GCKR: variants seen among roughly 807,000 people sequenced by gnomAD.
GCKR encodes the protein glucokinase regulatory protein.
Under a neutral mutation model 82.9 loss-of-function variants are expected in GCKR, and 73 were observed. The observed-to-expected ratio is 0.88, with a 90% CI of 0.73 to 1.07. The LOEUF is 1.07. Among genes scored for constraint, GCKR ranks in the 50% least tolerant of loss-of-function variants. The pLI is 0.00. For missense variants in GCKR, 784 were observed against 782.1 expected (o/e 1.00, Z -0.03); for synonymous variants, 294 against 291.8 (o/e 1.01, Z -0.08).
Position 27,504,267 on chromosome 2 carries a change from C to T in GCKR, c.750+648C>T, listed in dbSNP as rs112384611. 1.6e-3 allele frequency among the ~76,000 whole-genome samples: 245 copies of T among 152,212 alleles called. 4 individuals are homozygous for T. Among genetic ancestry groups the T allele is most frequent in the African/African-American group, 5.2e-3 (216 of 41,530 alleles). ...AATTCCATATGACATAAGAATTCCA[C>T]GGCTTTCACCTCCTAAATGCTCATC... On this transcript the variant is annotated intron_variant, in intron 9 of 18. Coordinates refer to ENST00000264717, the MANE Select transcript of GCKR (RefSeq NM_001486.4).
intron 16 of GCKR, chr2:27,509,592 T>C: frequency 2.4e-6 from 1 of 423,334 alleles, no homozygotes; most frequent in Non-Finnish European, 4.9e-6. Context: ...TCCACCCGCC[T>C]TAGCCTCCCA....
Position 27,497,601 on chromosome 2 carries a change from G to A in GCKR, c.256G>A (p.Val86Met), listed in dbSNP as rs1400084497. ...ATCCATTCTGACCACCATGGTACAG[G>A]TGGCTGGGAAAGTTCAGGAAGTGCT... The part of the protein sequence containing the change: ...SESILTTMVQ[V>M]AGKVQEVLKE... The change falls in exon 3 of 19, where the codon GTG becomes ATG. Residue 86 changes from valine (V) to methionine (M), a missense_variant. By Grantham distance (21) the Val-to-Met change is conservative. Transcript: ENST00000264717. The A allele has an allele frequency of 6.2e-7, 1 of 1,613,180 alleles. No homozygotes were observed. Among genetic ancestry groups the A allele is most frequent in the Non-Finnish European group, 8.5e-7 (1 of 1,179,134 alleles).
chr2:27,506,274 C>A (rs1291124265), intron 10 of GCKR, among the ~76,000 whole-genome samples: 2 of 152,194 alleles, frequency 1.3e-5, no homozygotes, highest in Non-Finnish European at 2.9e-5. Flanking sequence ...GCACTCGTCC[C>A]TCTTTCTGCT....
At chr2:27,505,118 T>G (rs1419417106) in intron 9 of GCKR, among the ~76,000 whole-genome samples, 6 of 37,312 alleles carry the variant, frequency 1.6e-4, no homozygotes, top group African/African-American at 7.3e-4. Context: ...AGAGTGAGAC[T>G]CCATCTCAAA....
intron 10 of GCKR, 146 bp downstream of exon 10, chr2:27,505,982 A>G (rs1669730305): frequency 1.4e-6 from 1 of 733,046 alleles, no homozygotes; most frequent in East Asian, 2.5e-5. Flanking sequence ...GGAGCTGGGT[A>G]GTACATGCTG....
rs757262467 is a variant in GCKR at position 27,507,943 on chromosome 2, G to C, written c.1241-34G>C. 9 of 1,461,828 alleles carry C rather than the reference G, an allele frequency of 6.2e-6. No homozygotes were observed. In the South Asian group the frequency reaches 1.0e-4, roughly 17 times the overall value. The allele number at this position is 1,461,828 out of a possible 1,614,324, so 90.6% of individuals were successfully genotyped here. A position where few individuals can be genotyped will look rare whatever the true frequency, so the allele number is the denominator to read the frequency against. On this transcript the variant is annotated intron_variant, in intron 14 of 18. Transcript: ENST00000264717. The stretch of plus-strand genomic sequence containing the variant: ...AGCAGGAGGAACAGCTGCACAGCCA[G>C]CCTTTCGACTCTGATGCCCTCCCCT...
intron 16 of GCKR, among the ~76,000 whole-genome samples, chr2:27,510,002 C>T (rs542823085): frequency 6.6e-6 from 1 of 151,170 alleles, no homozygotes; most frequent in Non-Finnish European, 1.5e-5. Flanking sequence ...TCTGATAGAT[C>T]ACTACTATCA....
intron 13 of GCKR, 124 bp from the exon 14 acceptor site, chr2:27,507,557 T>G (rs1454140782): frequency 1.1e-5 from 8 of 727,970 alleles, no homozygotes; most frequent in Middle Eastern, 3.7e-4. Flanking sequence ...CTGTACCTTT[T>G]GAACTTCAGC....
chr2:27,502,344 A>G (rs992704971), intron 8 of GCKR, among the ~76,000 whole-genome samples: 1 of 152,246 alleles, frequency 6.6e-6, no homozygotes, highest in Non-Finnish European at 1.5e-5. Context: ...CAAACAACGT[A>G]GGCGTGGAGA....
At chr2:27,497,729 TCTCCCTTTTGGAGATC>T (rs1669452456) in intron 3 of GCKR, 99 bp downstream of exon 3, 6 of 787,418 alleles carry the variant, frequency 7.6e-6, no homozygotes, top group Admixed American at 3.8e-5. Flanking sequence ...CATTCTCCTT[TCTCCCTTTTGGAGATC>T]CTCCCTTTTG....
intron 7 of GCKR, among the ~76,000 whole-genome samples, chr2:27,500,215 C>T (rs967247528): frequency 5.3e-5 from 8 of 152,188 alleles, no homozygotes; most frequent in Non-Finnish European, 8.8e-5. Context: ...CTCAGCCTCC[C>T]GAGTAACTGG....
intron 1 of GCKR, 105 bp from the exon 2 acceptor site, chr2:27,497,135 CGTGT>C (rs1669432761): frequency 7.6e-7 from 1 of 1,314,356 alleles, no homozygotes; most frequent in Non-Finnish European, 1.1e-6. Context: ...TATGTGTGTG[CGTGT>C]GTGTAAGTCC....
At chr2:27,522,424 T>G (rs1670171407) in intron 17 of GCKR, 36 bp from the exon 18 acceptor site, 1 of 1,612,538 alleles carries the variant, frequency 6.2e-7, no homozygotes, top group South Asian at 1.1e-5. Context: ...TCCTCTGGCC[T>G]TTAGCCTGAC....
intron 16 of GCKR, chr2:27,509,387 T>C: frequency 5.2e-6 from 1 of 192,286 alleles, no homozygotes; most frequent in Non-Finnish European, 1.2e-5. Context: ...TGGCCCAGAC[T>C]AAAGTGCAGT....
chr2:27,501,218 G>A lies in GCKR; in HGVS notation c.633G>A (p.Val211=). 6.2e-7 allele frequency: 1 copy of A among 1,611,852 alleles called. No individual in the cohort carries two copies. Among genetic ancestry groups the A allele is most frequent in the South Asian group, 1.1e-5 (1 of 91,060 alleles). The change falls in exon 8 of 19, where the codon GTG becomes GTA. Residue 211 remains valine (V), a synonymous_variant. Coordinates refer to ENST00000264717, the MANE Select transcript of GCKR (RefSeq NM_001486.4). ...CAGTCCTGGTTGGCTTCAATCCAGT[G>A]AGCATGGCCAGGTGAGCCTTCTGGA... ...FLPVLVGFNP[V]SMARNDPIED... is the part of the protein sequence containing the mutation.
At chr2:27,514,072 G>A (rs1669947911) in intron 16 of GCKR, among the ~76,000 whole-genome samples, 1 of 151,828 alleles carries the variant, frequency 6.6e-6, no homozygotes, top group South Asian at 2.1e-4. Flanking sequence ...GATCTTGTTA[G>A]TGGGTTCTAG....
rs191785255 is a variant in GCKR at position 27,506,456 on chromosome 2, T to C, written c.870-25T>C. 479 of 1,531,660 alleles carry C rather than the reference T, an allele frequency of 3.1e-4. 3 individuals are homozygous for C. The African/African-American group carries it at 4.4e-3, about 14-fold the overall frequency. 94.9% of individuals were successfully genotyped at this position (1,531,660 alleles called of 1,614,324 possible). ...TTCTGAGGGGGAATTGGGCCCTTCT[T>C]GAGAGCTGGTGGCTTTTCTCCCAGA... On this transcript the variant is annotated intron_variant, in intron 10 of 18. Transcript: ENST00000264717.
rs1487229898 is a variant in GCKR, at chr2:27,498,757, C to G, written c.388C>G (p.Gln130Glu). The G allele has an allele frequency of 1.2e-6, 2 of 1,609,078 alleles. No individual in the cohort carries two copies. The highest frequency in any genetic ancestry group is 1.7e-6 in the Non-Finnish European group (2 of 1,175,404). ...TAATCAGCTGATGAAAGGTCTGGGA[C>G]AGAAACCTCTTTACACCTACCTCAT... ...SFNQLMKGLG[Q>E]KPLYTYLIAG... Residue 130 changes from glutamine to glutamate, a missense_variant, in exon 5 of 19, where the codon CAG becomes GAG. Physicochemically the swap from Gln to Glu is conservative, Grantham distance 29 (BLOSUM62 2). Transcript: ENST00000264717.
intron 4 of GCKR, 128 bp from the exon 5 acceptor site, chr2:27,498,596 A>G (rs1669483391): frequency 1.4e-6 from 1 of 731,360 alleles, no homozygotes; most frequent in Non-Finnish European, 2.5e-6. Flanking sequence ...GCGAGATTCC[A>G]TGTAGGACTG....
Sources: allele counts gnomAD v4.1 joint callset (sites outside exome capture counted in the v4.1 genomes callset), GRCh38; gene constraint gnomAD v4.1.1; transcripts MANE v1.5; gene names NCBI Gene and HGNC (gene_info 2026-07-23, HGNC 2026-07-21).